AFG2A: variants seen among roughly 807,000 people sequenced by gnomAD.
AFG2A encodes ATPase family gene 2 protein homolog A.
chr4:123,318,760 TAAAAA>T, the AFG2A span: 91,947 of 146,910 alleles, frequency 0.63, 31,443 homozygotes, highest in Non-Finnish European at 0.76. Context: ...TCCTATCTCT[TAAAAA>T]AAAAAAAAAA....
At chr4:123,002,323 A>T in the AFG2A span, among the ~76,000 whole-genome samples, 2 of 152,064 alleles carry the variant, frequency 1.3e-5, no homozygotes, top group Non-Finnish European at 2.9e-5. Flanking sequence ...TAATATCGTT[A>T]TGTGTGAATT....
chr4:123,306,963 A>G, the AFG2A span, among the ~76,000 whole-genome samples: 1 of 152,194 alleles, frequency 6.6e-6, no homozygotes, highest in Non-Finnish European at 1.5e-5. Context: ...GATTAGGGGA[A>G]AGCTTCCAAA....
chr4:123,064,296 A>G, the AFG2A span, among the ~76,000 whole-genome samples: 4 of 152,194 alleles, frequency 2.6e-5, no homozygotes, highest in Admixed American at 2.6e-4. Context: ...ATAATATGAT[A>G]GGGAGTGAGA....
the AFG2A span, among the ~76,000 whole-genome samples, chr4:123,309,302 G>A: frequency 6.6e-6 from 1 of 152,264 alleles, no homozygotes; most frequent in Admixed American, 6.5e-5. Flanking sequence ...CAGGATCAAG[G>A]TGCCAACAGA....
chr4:123,259,109 C>T, the AFG2A span, among the ~76,000 whole-genome samples: 17 of 152,170 alleles, frequency 1.1e-4, no homozygotes, highest in Non-Finnish European at 1.8e-4. Context: ...TCAGGTGATC[C>T]GCCCACCTTG....
the AFG2A span, among the ~76,000 whole-genome samples, chr4:123,175,853 T>G: frequency 2.0e-5 from 3 of 152,190 alleles, no homozygotes; most frequent in Non-Finnish European, 4.4e-5. Flanking sequence ...AGCCAGAGAC[T>G]CCTGGGAACA....
the AFG2A span, among the ~76,000 whole-genome samples, chr4:122,984,889 C>G: frequency 6.6e-6 from 1 of 152,122 alleles, no homozygotes; most frequent in Non-Finnish European, 1.5e-5. Flanking sequence ...CTTCAGTGTT[C>G]ATCAAGGATA....
the AFG2A span, among the ~76,000 whole-genome samples, chr4:123,021,718 T>G: frequency 1.3e-5 from 2 of 152,194 alleles, no homozygotes; most frequent in African/African-American, 4.8e-5. Flanking sequence ...TCTTTTCTGT[T>G]AAATGCCAGT....
the AFG2A span, among the ~76,000 whole-genome samples, chr4:122,981,125 T>G: frequency 6.6e-6 from 1 of 152,188 alleles, no homozygotes; most frequent in East Asian, 1.9e-4. Context: ...AGTTTTACAG[T>G]TCTAGATATT....
At chr4:123,031,387 A>G in the AFG2A span, among the ~76,000 whole-genome samples, 1 of 152,272 alleles carries the variant, frequency 6.6e-6, no homozygotes, top group South Asian at 2.1e-4. Context: ...TCCTGAGCTC[A>G]GGCAATTTGC....
At chr4:123,024,386 G>A in the AFG2A span, among the ~76,000 whole-genome samples, 1 of 152,156 alleles carries the variant, frequency 6.6e-6, no homozygotes, top group Admixed American at 6.5e-5. Context: ...AGTACAGGCA[G>A]TAAAAGACTG....
At chr4:123,028,931 T>C in the AFG2A span, among the ~76,000 whole-genome samples, 4 of 152,366 alleles carry the variant, frequency 2.6e-5, no homozygotes, top group South Asian at 2.1e-4. Flanking sequence ...TTTCATGATA[T>C]GTAGTTGTAC....
the AFG2A span, among the ~76,000 whole-genome samples, chr4:123,175,011 T>A: frequency 2.0e-5 from 3 of 151,962 alleles, no homozygotes; most frequent in African/African-American, 7.3e-5. Flanking sequence ...TTTGTAGAGA[T>A]GGGGTTTCAC....
the AFG2A span, among the ~76,000 whole-genome samples, chr4:123,275,062 T>C: frequency 3.9e-5 from 6 of 152,164 alleles, no homozygotes; most frequent in Non-Finnish European, 7.4e-5. Context: ...TGCAGTGCTT[T>C]TCCCTCAGGC....
At chr4:123,216,461 C>T in the AFG2A span, among the ~76,000 whole-genome samples, 1 of 152,060 alleles carries the variant, frequency 6.6e-6, no homozygotes, top group Admixed American at 6.6e-5. Context: ...ACTATATCTA[C>T]ATAACAGAAT....
At chr4:123,199,213 G>A in the AFG2A span, among the ~76,000 whole-genome samples, 1 of 148,714 alleles carries the variant, frequency 6.7e-6, no homozygotes, top group Non-Finnish European at 1.5e-5. Context: ...TATAGACATA[G>A]TCATAGGCAT....
chr4:122,996,960 A>T, the AFG2A span, among the ~76,000 whole-genome samples: 1 of 152,282 alleles, frequency 6.6e-6, no homozygotes, highest in Admixed American at 6.5e-5. Flanking sequence ...CTGGACTCTT[A>T]GCTGATTGGA....
chr4:123,067,520 CA>C, the AFG2A span, among the ~76,000 whole-genome samples: 3 of 150,278 alleles, frequency 2.0e-5, no homozygotes, highest in African/African-American at 7.3e-5. Flanking sequence ...CCATCCCCCC[CA>C]AAAAAAAGAA....
chr4:123,054,704 C>T, the AFG2A span, among the ~76,000 whole-genome samples: 1 of 151,698 alleles, frequency 6.6e-6, no homozygotes, highest in Non-Finnish European at 1.5e-5. Context: ...GGTGACAGTG[C>T]AAGACTTCAT....
Sources: gnomAD v4.1 joint callset for allele counts (sites outside exome capture counted in the v4.1 genomes callset) on GRCh38, gnomAD v4.1.1 for gene constraint, MANE v1.5 for transcripts, NCBI Gene and HGNC (gene_info 2026-07-23, HGNC 2026-07-21) for gene names.